The following ERCC1 variants were observed in gnomAD, a reference collection of about 807,000 sequenced individuals.
The protein encoded by ERCC1 is ERCC excision repair 1, endonuclease non-catalytic subunit.
A neutral mutation model predicts 37.6 loss-of-function variants in ERCC1; 36 were observed. The ratio of observed to expected loss-of-function variants is 0.96; its 90% CI spans 0.73 to 1.26. The LOEUF (loss-of-function observed/expected upper bound fraction) is 1.26. Among genes scored for constraint, ERCC1 ranks in the 50% most tolerant of loss-of-function variants. ERCC1 has a pLI of 0.00. For missense variants in ERCC1, 349 were observed against 376.5 expected (o/e 0.93, Z 0.60); for synonymous variants, 156 against 162.1 (o/e 0.96, Z 0.28).
rs1973536883 is a variant in ERCC1 at position 45,409,246 on chromosome 19, G to A, written c.*429C>T. On this transcript the variant is annotated 3_prime_UTR_variant, in exon 10 of 10. Coordinates refer to ENST00000300853, the MANE Select transcript of ERCC1 (RefSeq NM_001983.4). ...CCACATCCACCAAGAAGAAGAAGAA[G>A]AAGAAAGAGAGAGGTCACACAGTGA... The A allele has an allele frequency of 6.2e-7, 1 of 1,613,734 alleles. No homozygotes were observed. Among genetic ancestry groups the A allele is most frequent in the Non-Finnish European group, 8.5e-7 (1 of 1,179,768 alleles).
chr19:45,423,853 T>C lies in ERCC1; in HGVS notation c.-80A>G, dbSNP rs1568590513. 2 of 1,122,988 alleles carry C rather than the reference T, an allele frequency of 1.8e-6. No individual in the cohort carries two copies. The highest frequency in any genetic ancestry group is 3.1e-5 in the South Asian group (1 of 32,124). The allele number at this position is 1,122,988 out of a possible 1,614,324, so 69.6% of individuals were successfully genotyped here. A position where few individuals can be genotyped will look rare whatever the true frequency, so the allele number is the denominator to read the frequency against. On this transcript the variant is annotated 5_prime_UTR_variant, in exon 1 of 10. Coordinates refer to ENST00000300853, the MANE Select transcript of ERCC1 (RefSeq NM_001983.4). ...GGTCTTGGAGCCTCAAGGGAAAGAC[T>C]GCAGAGGGATCGAGGCGGCCCACTG... is the stretch of plus-strand genomic sequence containing the variant.
At chr19:45,409,892 ATTATT>A (rs1555785241) in intron 9 of ERCC1, 167 bp from the exon 10 acceptor site, 2 of 206,472 alleles carry the variant, frequency 9.7e-6, no homozygotes, top group South Asian at 2.0e-4. Context: ...TATTATTATT[ATTATT>A]TTTTTTTTTT....
upstream of ERCC1, among the ~76,000 whole-genome samples, chr19:45,425,871 A>G (rs1220784626): frequency 6.6e-6 from 1 of 152,078 alleles, no homozygotes; most frequent in Non-Finnish European, 1.5e-5. Context: ...CTGCATGTAC[A>G]TGACATCCCT....
upstream of ERCC1, among the ~76,000 whole-genome samples, chr19:45,427,054 A>G (rs1316306921): frequency 6.6e-6 from 1 of 150,804 alleles, no homozygotes; most frequent in Non-Finnish European, 1.5e-5. Flanking sequence ...GCTTGAGCCC[A>G]GGAGGCAGAG....
intron 2 of ERCC1, 66 bp from the exon 3 acceptor site, chr19:45,421,459 G>A: frequency 8.7e-7 from 1 of 1,144,848 alleles, no homozygotes; most frequent in South Asian, 1.4e-5. Context: ...GAGGCCCTGT[G>A]AGTTCCTCTC....
chr19:45,409,819 C>T (rs1973578834), intron 9 of ERCC1, 94 bp from the exon 10 acceptor site: 1 of 714,776 alleles, frequency 1.4e-6, no homozygotes, highest in Non-Finnish European at 2.6e-6. Flanking sequence ...TTATTTTCCC[C>T]TATACCCTCA....
rs555070201 is a variant in ERCC1 at position 45,409,194 on chromosome 19, C to T, written c.*481G>A. ...ACAGAGGTGGTGGGGCCTGAGCTGC[C>T]GGATGACCTTGAGCCTCAGGCAGCT... On this transcript the variant is annotated 3_prime_UTR_variant, in exon 10 of 10. Transcript: ENST00000300853. The T allele has an allele frequency of 1.1e-5, 18 of 1,613,428 alleles. No homozygotes were observed. The highest frequency in any genetic ancestry group is 6.7e-5 in the Admixed American group (4 of 59,936).
At chr19:45,434,756 T>A (rs576156215) in intron 1 of ERCC1, among the ~76,000 whole-genome samples, 5 of 151,886 alleles carry the variant, frequency 3.3e-5, no homozygotes, top group South Asian at 2.1e-4. Context: ...CGGCCTTTTT[T>A]AAAAATTTTT....
At chr19:45,413,370 G>A (rs901792595) in intron 9 of ERCC1, 6 of 596,038 alleles carry the variant, frequency 1.0e-5, no homozygotes, top group East Asian at 5.6e-5. Flanking sequence ...GGGCTCAAGC[G>A]ATCCTCCCAC....
intron 1 of ERCC1, among the ~76,000 whole-genome samples, chr19:45,436,251 G>A (rs1300884569): frequency 3.3e-5 from 5 of 152,128 alleles, no homozygotes; most frequent in Non-Finnish European, 7.4e-5. Context: ...CCGTTAGCGT[G>A]GAGGGGACAG....
chr19:45,442,698 C>T (rs1347987618), intron 1 of ERCC1, among the ~76,000 whole-genome samples: 1 of 152,072 alleles, frequency 6.6e-6, no homozygotes, highest in Non-Finnish European at 1.5e-5. Flanking sequence ...GATACAAATC[C>T]CAGGGAGGGT....
chr19:45,447,756 T>A (rs1966993934), intron 1 of ERCC1, among the ~76,000 whole-genome samples: 1 of 152,138 alleles, frequency 6.6e-6, no homozygotes, highest in Non-Finnish European at 1.5e-5. Context: ...TTATGTACCA[T>A]GAGAACCTGG....
At chr19:45,450,410 C>G (rs562279021) in intron 1 of ERCC1, among the ~76,000 whole-genome samples, 1 of 152,346 alleles carries the variant, frequency 6.6e-6, no homozygotes, top group South Asian at 2.1e-4. Flanking sequence ...TTCCCTCTAA[C>G]GCCTCAGTTC....
upstream of ERCC1, among the ~76,000 whole-genome samples, chr19:45,425,404 T>C (rs994465506): frequency 8.6e-5 from 13 of 152,046 alleles, no homozygotes; most frequent in Non-Finnish European, 1.8e-4. Context: ...TTATTATTTT[T>C]TGAGATGGAG....
At chr19:45,430,977 T>TG (rs1204636393) in intron 1 of ERCC1, among the ~76,000 whole-genome samples, 1 of 151,372 alleles carries the variant, frequency 6.6e-6, no homozygotes, top group Non-Finnish European at 1.5e-5. Flanking sequence ...AGTTGGGGGG[T>TG]GGGGTCTCAG....
chr19:45,438,025 C>T (rs1366032812), intron 1 of ERCC1, among the ~76,000 whole-genome samples: 6 of 146,962 alleles, frequency 4.1e-5, no homozygotes, highest in Admixed American at 1.3e-4. Context: ...CTCCTGCCTC[C>T]GCCTCCCGAG....
In ERCC1 at chr19:45,408,617, A is replaced by G; in HGVS notation, c.*1058T>C. The G allele has an allele frequency of 1.9e-6, 3 of 1,613,778 alleles. No individual in the cohort carries two copies. The highest frequency in any genetic ancestry group is 2.5e-6 in the Non-Finnish European group (3 of 1,180,012). On this transcript the variant is annotated 3_prime_UTR_variant, in exon 10 of 10. Transcript: ENST00000300853. ...GGATGTGCGGAAGAAGAAGAAGAAA[A>G]AAAATCAGCAGCTGAAAGAACCAGA...
At chr19:45,447,072 T>C (rs916005871) in intron 1 of ERCC1, among the ~76,000 whole-genome samples, 25 of 152,064 alleles carry the variant, frequency 1.6e-4, no homozygotes, top group African/African-American at 6.0e-4. Flanking sequence ...TAGAGGCAGG[T>C]TGGCACAGGC....
rs1973408028 is a variant in ERCC1, at chr19:45,407,338, G to T, written c.*2337C>A. ...AATTAGAGGTGAGTCACAGAGCACA[G>T]TGAAAGAAACAAGTTTATTGGAAAC... is the stretch of plus-strand genomic sequence containing the variant. On this transcript the variant is annotated 3_prime_UTR_variant, in exon 10 of 10. Transcript: ENST00000300853. 15 of 1,150,546 alleles carry T rather than the reference G, an allele frequency of 1.3e-5. No individual in the cohort carries two copies. Among genetic ancestry groups the T allele is most frequent in the Non-Finnish European group, 1.9e-5 (15 of 809,910 alleles). The allele number at this position is 1,150,546 out of a possible 1,614,324, so 71.3% of individuals were successfully genotyped here.
Sources: gnomAD v4.1 joint callset for allele counts (sites outside exome capture counted in the v4.1 genomes callset) on GRCh38, gnomAD v4.1.1 for gene constraint, MANE v1.5 for transcripts, NCBI Gene and HGNC (gene_info 2026-07-23, HGNC 2026-07-21) for gene names.